MAML3: variants seen among roughly 807,000 people sequenced by gnomAD.
MAML3 encodes mastermind like transcriptional coactivator 3, also known as mastermind-like protein 3.
MAML3 carries 27 observed loss-of-function variants against 101.9 expected under a neutral mutation model. The observed-to-expected ratio is 0.27, with a 90% CI of 0.20 to 0.37. MAML3 has a LOEUF of 0.37. Ranked by LOEUF, MAML3 falls within the 10% of genes least tolerant of loss-of-function variation. MAML3 has a pLI of 1.00. For synonymous variants in MAML3, 501 were observed against 555.9 expected (o/e 0.90, Z 1.39); for missense variants, 1,316 against 1,444.9 (o/e 0.91, Z 1.45).
At chr4:140,119,677 G>A (rs112524549) in intron 1 of MAML3, among the ~76,000 whole-genome samples, 3 of 139,880 alleles carry the variant, frequency 2.1e-5, no homozygotes, top group African/African-American at 2.6e-5. Context: ...TATACAGCAC[G>A]GTGGCACAAT....
intron 2 of MAML3, among the ~76,000 whole-genome samples, chr4:139,868,970 T>G (rs1156578612): frequency 6.6e-6 from 1 of 152,230 alleles, no homozygotes; most frequent in Non-Finnish European, 1.5e-5. Context: ...CTTTCTCAAT[T>G]TTATTTATTG....
chr4:139,870,757 T>A (rs1461276201), intron 2 of MAML3, among the ~76,000 whole-genome samples: 1 of 152,210 alleles, frequency 6.6e-6, no homozygotes, highest in African/African-American at 2.4e-5. Flanking sequence ...TCCTTCCACC[T>A]CAGCCTCCTA....
chr4:140,056,294 A>T lies in MAML3; in HGVS notation c.468+96566T>A, dbSNP rs919990558. Among the ~76,000 whole-genome samples the T allele has an allele frequency of 3.9e-5, 6 of 152,196 alleles. 1 individual carries two copies. In the South Asian group the frequency reaches 6.2e-4, roughly 16 times the overall value. On this transcript the variant is annotated intron_variant, in intron 1 of 4. Coordinates refer to ENST00000509479, the MANE Select transcript of MAML3 (RefSeq NM_018717.5). Reference sequence around the variant, plus strand: ...AAGGGTGTCATGACATCTGTTCTAAAAAGCACCTATTTCAAGTCCTGGCAC... The same window carrying T: ...AAGGGTGTCATGACATCTGTTCTAATAAGCACCTATTTCAAGTCCTGGCAC...
At chr4:139,808,879 G>C (rs1344020108) in intron 2 of MAML3, among the ~76,000 whole-genome samples, 1 of 152,184 alleles carries the variant, frequency 6.6e-6, no homozygotes, top group African/African-American at 2.4e-5. Flanking sequence ...GTGTGCGTGT[G>C]GGTGAATGTA....
chr4:139,815,930 C>G (rs1291084144), intron 2 of MAML3, among the ~76,000 whole-genome samples: 2 of 152,028 alleles, frequency 1.3e-5, no homozygotes, highest in Non-Finnish European at 2.9e-5. Flanking sequence ...ACGCTTGAAC[C>G]CTTGTGCTAC....
rs147084956 is a variant in MAML3, at chr4:140,022,028, C to G, written c.468+130832G>C. Among the ~76,000 whole-genome samples, 86 of 152,292 alleles carry G rather than the reference C, an allele frequency of 5.6e-4. 1 individual carries two copies. The highest frequency in any genetic ancestry group is 2.1e-3 in the African/African-American group (86 of 41,562). ...AGTAGCAGAGATGGAGTGCTAACCT[C>G]AACAGTCTGGCTCCAGAGTTCTTGG... On this transcript the variant is annotated intron_variant, in intron 1 of 4. Transcript: ENST00000509479.
At chr4:140,068,110 A>G (rs145097187) in intron 1 of MAML3, among the ~76,000 whole-genome samples, 6 of 152,306 alleles carry the variant, frequency 3.9e-5, no homozygotes, top group Non-Finnish European at 7.4e-5. Context: ...GAAGTCACAC[A>G]GCATCACTCC....
At chr4:139,827,815 C>T (rs1191026294) in intron 2 of MAML3, among the ~76,000 whole-genome samples, 1 of 152,118 alleles carries the variant, frequency 6.6e-6, no homozygotes, top group Non-Finnish European at 1.5e-5. Context: ...ATGATGACTG[C>T]TGATAATAAT....
chr4:139,899,794 A>C lies in MAML3; in HGVS notation c.469-8827T>G, dbSNP rs950002123. 3.9e-5 allele frequency among the ~76,000 whole-genome samples: 6 copies of C among 152,218 alleles called. 1 individual carries two copies. Among genetic ancestry groups the C allele is most frequent in the Admixed American group, 2.6e-4 (4 of 15,282 alleles). ...ATTTGAATTTTAAAATTATGTATAT[A>C]ATCTGTATATATCACATATAATATT... On this transcript the variant is annotated intron_variant, in intron 1 of 4. Transcript: ENST00000509479.
intron 1 of MAML3, among the ~76,000 whole-genome samples, chr4:140,102,177 T>A (rs1224344878): frequency 6.6e-6 from 1 of 152,214 alleles, no homozygotes; most frequent in Middle Eastern, 3.2e-3. Context: ...TGAGAAGGCA[T>A]GAATTGAGGC....
Position 139,785,616 on chromosome 4 carries a change from G to A in MAML3, c.2080-54949C>T, listed in dbSNP as rs936886423. On this transcript the variant is annotated intron_variant, in intron 2 of 4. Transcript: ENST00000509479. The surrounding 1 kb of genome is among the most constrained non-coding windows in gnomAD (Gnocchi z 4.3). ...CCAGCACGAACAATATGGCTCCCCA[G>A]CGCCTGGGGCACTGCATGGAGAGAT... Among the ~76,000 whole-genome samples, 1 of 152,172 alleles carries A rather than the reference G, an allele frequency of 6.6e-6. No individual in the cohort carries two copies. The highest frequency in any genetic ancestry group is 1.5e-5 in the Non-Finnish European group (1 of 68,032).
At chr4:140,106,262 T>C (rs778478750) in intron 1 of MAML3, among the ~76,000 whole-genome samples, 4 of 152,340 alleles carry the variant, frequency 2.6e-5, no homozygotes, top group Admixed American at 1.3e-4. Context: ...CAAGGGTAGA[T>C]TGACTAATCC....
intron 1 of MAML3, among the ~76,000 whole-genome samples, chr4:140,051,432 C>T (rs968945804): frequency 2.6e-5 from 4 of 152,098 alleles, no homozygotes; most frequent in Non-Finnish European, 1.5e-5. Context: ...TGGTACATGC[C>T]TGTAATCCCA....
chr4:140,096,164 G>C (rs1728161222), intron 1 of MAML3, among the ~76,000 whole-genome samples: 1 of 152,190 alleles, frequency 6.6e-6, no homozygotes, highest in Non-Finnish European at 1.5e-5. Context: ...GACACCAACG[G>C]TTGTGTCTAT....
At chr4:139,879,889 C>T (rs1302146288) in intron 2 of MAML3, among the ~76,000 whole-genome samples, 10 of 152,152 alleles carry the variant, frequency 6.6e-5, no homozygotes, top group African/African-American at 1.9e-4. Flanking sequence ...AAACCTCTTT[C>T]GGGCTGGGTG....
chr4:139,993,127 A>G (rs2110830987), intron 1 of MAML3, among the ~76,000 whole-genome samples: 1 of 151,812 alleles, frequency 6.6e-6, no homozygotes, highest in Non-Finnish European at 1.5e-5. Flanking sequence ...TGAGGCGGGC[A>G]GATCTCTTGA....
In MAML3 at chr4:139,904,756, A is replaced by G. The variant is rs76685638; in HGVS notation, c.469-13789T>C. On this transcript the variant is annotated intron_variant, in intron 1 of 4. Coordinates refer to ENST00000509479, the MANE Select transcript of MAML3 (RefSeq NM_018717.5). ...GTTAAGTGATTTCATCATTGTGTGAACATCATATTCACACAAGCCTAATAT... is the reference window on the plus strand; with the variant it reads ...GTTAAGTGATTTCATCATTGTGTGAGCATCATATTCACACAAGCCTAATAT... 7.6e-3 allele frequency among the ~76,000 whole-genome samples: 999 copies of G among 130,672 alleles called. 5 individuals are homozygous for G. Among genetic ancestry groups the G allele is most frequent in the African/African-American group, 0.025 (952 of 38,170 alleles). The allele number at this position is 130,672 out of a possible 152,430, so 85.7% of individuals were successfully genotyped here.
At chr4:139,798,020 A>G (rs1730541026) in intron 2 of MAML3, among the ~76,000 whole-genome samples, 1 of 144,718 alleles carries the variant, frequency 6.9e-6, no homozygotes, top group Non-Finnish European at 1.5e-5. Context: ...AAGGAAGGAA[A>G]GAAAGGAGAG....
intron 2 of MAML3, among the ~76,000 whole-genome samples, chr4:139,781,237 A>G (rs1203012384): frequency 6.6e-6 from 1 of 152,178 alleles, no homozygotes; most frequent in Non-Finnish European, 1.5e-5. Context: ...ACATGAAGCA[A>G]TATAACCCAC....
Sources: gnomAD v4.1 joint callset for allele counts (sites outside exome capture counted in the v4.1 genomes callset) on GRCh38, gnomAD v4.1.1 for gene constraint, Gnocchi (gnomAD v3.1) non-coding constraint, MANE v1.5 for transcripts, NCBI Gene and HGNC (gene_info 2026-07-23, HGNC 2026-07-21) for gene names.